Variants in PRKN observed in about 807,000 individuals in gnomAD.
The protein encoded by PRKN is E3 ubiquitin-protein ligase parkin.
In PRKN, 56 loss-of-function variants were observed where a neutral mutation model predicts 59.5. That is an observed-to-expected ratio of 0.94 (90% CI 0.76 to 1.18). PRKN has a LOEUF of 1.18. PRKN is among the 50% of genes most tolerant of loss of function. The pLI is 0.00. For synonymous variants in PRKN, 250 were observed against 222.1 expected (o/e 1.13, Z -1.12); for missense variants, 657 against 596.4 (o/e 1.10, Z -1.06).
chr6:161,544,188 T>C lies in PRKN; in HGVS notation c.1083+4666A>G, dbSNP rs550432340. Among the ~76,000 whole-genome samples, 3 of 152,342 alleles carry C rather than the reference T, an allele frequency of 2.0e-5. No individual in the cohort carries two copies. The highest frequency in any genetic ancestry group is 2.1e-4 in the South Asian group (1 of 4,828). On this transcript the variant is annotated intron_variant, in intron 9 of 11. Coordinates refer to ENST00000366898, the MANE Select transcript of PRKN (RefSeq NM_004562.3). This position sits in a 1 kb window ranked among gnomAD's most constrained non-coding sequence, Gnocchi z 5.5. ...TTACATATCAGAATGTACTCTTTAC[T>C]TGGCCGTGTATGTAGCCTTTGATAG...
intron 9 of PRKN, among the ~76,000 whole-genome samples, chr6:161,500,037 C>G (rs1488492938): frequency 6.6e-6 from 1 of 152,234 alleles, no homozygotes; most frequent in Non-Finnish European, 1.5e-5. Flanking sequence ...TGTTTCCTTA[C>G]AAAATCTCAC....
chr6:161,973,943 C>T (rs1780924397), intron 5 of PRKN, among the ~76,000 whole-genome samples: 1 of 152,198 alleles, frequency 6.6e-6, no homozygotes. Context: ...AATAGCCACA[C>T]AAGTACACAT....
chr6:161,930,310 A>T (rs1460308592), intron 6 of PRKN, among the ~76,000 whole-genome samples: 4 of 152,252 alleles, frequency 2.6e-5, no homozygotes, highest in Admixed American at 2.0e-4. Flanking sequence ...CATCTTGTAT[A>T]TAATAGATAC....
At chr6:161,509,425 A>G (rs1778296655) in intron 9 of PRKN, among the ~76,000 whole-genome samples, 1 of 152,156 alleles carries the variant, frequency 6.6e-6, no homozygotes, top group Non-Finnish European at 1.5e-5. Flanking sequence ...TTTTAGAGCC[A>G]GGGAGGAGCC....
chr6:161,920,375 C>T (rs1778736601), intron 6 of PRKN, among the ~76,000 whole-genome samples: 1 of 149,984 alleles, frequency 6.7e-6, no homozygotes, highest in African/African-American at 2.5e-5. Context: ...CAGAGCAAGA[C>T]TCTACCAGAA....
At position 161,448,050 on chromosome 6, in the gene PRKN, T is replaced by C. The variant is rs1012607760; in HGVS notation, c.1084-61173A>G. On this transcript the variant is annotated intron_variant, in intron 9 of 11. Transcript: ENST00000366898. This position sits in a 1 kb window ranked among gnomAD's most constrained non-coding sequence, Gnocchi z 5.1. ...AGGGACCTTGGTCATTGTTATCTCTTTATAATAAAATGCTAAGCAACCCCC... is the reference window on the plus strand; with the variant it reads ...AGGGACCTTGGTCATTGTTATCTCTCTATAATAAAATGCTAAGCAACCCCC... 3.9e-5 allele frequency among the ~76,000 whole-genome samples: 6 copies of C among 152,198 alleles called. No individual in the cohort carries two copies. Among genetic ancestry groups the C allele is most frequent in the Admixed American group, 3.9e-4 (6 of 15,284 alleles).
rs1419809996 is a variant in PRKN at position 161,445,927 on chromosome 6, G to A, written c.1084-59050C>T. On this transcript the variant is annotated intron_variant, in intron 9 of 11. Transcript: ENST00000366898. The surrounding 1 kb of genome is among the most constrained non-coding windows in gnomAD (Gnocchi z 7.7). ...GCCTCCTGTGGGGAGATGGAGTGGCGGGGATAGGGACCAGAGCAGAGAGGG... is the reference window on the plus strand; with the variant it reads ...GCCTCCTGTGGGGAGATGGAGTGGCAGGGATAGGGACCAGAGCAGAGAGGG... Among the ~76,000 whole-genome samples, 3 of 152,078 alleles carry A rather than the reference G, an allele frequency of 2.0e-5. No individual in the cohort carries two copies. The highest frequency in any genetic ancestry group is 1.3e-4 in the Admixed American group (2 of 15,260).
chr6:161,977,427 A>C (rs1182415664), intron 5 of PRKN, among the ~76,000 whole-genome samples: 3 of 152,164 alleles, frequency 2.0e-5, no homozygotes, highest in Non-Finnish European at 2.9e-5. Context: ...AGTAGTTCTA[A>C]GCAAGTCATC....
At chr6:161,883,305 T>C (rs979723827) in intron 6 of PRKN, among the ~76,000 whole-genome samples, 4 of 151,818 alleles carry the variant, frequency 2.6e-5, no homozygotes, top group African/African-American at 4.8e-5. Flanking sequence ...AGTTTGAGAC[T>C]AGCCTGGCCA....
At chr6:162,182,171 T>C (rs1333113035) in intron 4 of PRKN, among the ~76,000 whole-genome samples, 5 of 152,200 alleles carry the variant, frequency 3.3e-5, no homozygotes, top group Non-Finnish European at 5.9e-5. Context: ...TTATTTGCTG[T>C]ATTACTGCTG....
In PRKN at chr6:161,906,969, C is replaced by T. The variant is rs774947579; in HGVS notation, c.734+66333G>A. 2.0e-5 allele frequency among the ~76,000 whole-genome samples: 3 copies of T among 152,128 alleles called. No homozygotes were observed. In the East Asian group the frequency reaches 5.8e-4, roughly 30 times the overall value. ...CTGGCAGCTGATTAGATGGTGCCCA[C>T]CCAGATTGAGGGTGGGTCTGCCTCT... On this transcript the variant is annotated intron_variant, in intron 6 of 11. Coordinates refer to ENST00000366898, the MANE Select transcript of PRKN (RefSeq NM_004562.3).
intron 7 of PRKN, among the ~76,000 whole-genome samples, chr6:161,772,790 G>C (rs965469972): frequency 6.6e-6 from 1 of 152,002 alleles, no homozygotes; most frequent in Admixed American, 6.6e-5. Context: ...CAATGAGGAA[G>C]ACAGCCATTA....
chr6:162,355,941 T>C (rs1056513795), intron 2 of PRKN, among the ~76,000 whole-genome samples: 1 of 152,114 alleles, frequency 6.6e-6, no homozygotes, highest in African/African-American at 2.4e-5. Context: ...TCAAAAGAAA[T>C]GAAGATTCTG....
At chr6:162,592,932 G>A (rs1044896798) in intron 1 of PRKN, among the ~76,000 whole-genome samples, 1 of 151,810 alleles carries the variant, frequency 6.6e-6, no homozygotes, top group Non-Finnish European at 1.5e-5. Context: ...AACACATCAC[G>A]ATTACAAAGC....
intron 1 of PRKN, among the ~76,000 whole-genome samples, chr6:162,664,950 G>A (rs1779040181): frequency 6.6e-6 from 1 of 152,072 alleles, no homozygotes. Context: ...TATCTCAACA[G>A]ATGCAGAAAA....
At chr6:162,582,202 A>C (rs956269004) in intron 1 of PRKN, among the ~76,000 whole-genome samples, 11 of 152,216 alleles carry the variant, frequency 7.2e-5, no homozygotes, top group African/African-American at 2.7e-4. Flanking sequence ...GTCCAATATT[A>C]TGTATGCAAA....
chr6:162,539,605 C>T (rs1211009359), intron 1 of PRKN, among the ~76,000 whole-genome samples: 5 of 152,104 alleles, frequency 3.3e-5, no homozygotes, highest in Non-Finnish European at 4.4e-5. Flanking sequence ...CATGGAAATG[C>T]ATTAAACATC....
At chr6:161,766,732 T>C (rs1789439282) in intron 7 of PRKN, among the ~76,000 whole-genome samples, 1 of 152,202 alleles carries the variant, frequency 6.6e-6, no homozygotes. Context: ...GATTGTATTT[T>C]TTCATGCTGA....
intron 7 of PRKN, among the ~76,000 whole-genome samples, chr6:161,744,329 G>A (rs550772378): frequency 2.6e-5 from 4 of 152,006 alleles, no homozygotes; most frequent in East Asian, 1.9e-4. Flanking sequence ...TAAGCCACAC[G>A]ATGAATCACT....
Sources: gnomAD v4.1 joint callset for allele counts (sites outside exome capture counted in the v4.1 genomes callset) on GRCh38, gnomAD v4.1.1 for gene constraint, Gnocchi (gnomAD v3.1) non-coding constraint, MANE v1.5 for transcripts, NCBI Gene and HGNC (gene_info 2026-07-23, HGNC 2026-07-21) for gene names.